The following LRP1B variants were observed in gnomAD, a reference collection of about 807,000 sequenced individuals.
The protein encoded by LRP1B is LDL receptor related protein 1B.
LRP1B carries 217 observed loss-of-function variants against 556.6 expected under a neutral mutation model. That is an observed-to-expected ratio of 0.39 (90% CI 0.35 to 0.44). The LOEUF (loss-of-function observed/expected upper bound fraction) is 0.44, where lower values mean the gene tolerates loss of function less well. LRP1B is among the 20% of genes least tolerant of loss of function. The probability of loss-of-function intolerance (pLI) is 1.00; values close to 1 mark genes in which losing one functional copy is unlikely to be tolerated. For synonymous variants in LRP1B, 2,047 were observed against 1,865.8 expected (o/e 1.10, Z -2.50); for missense variants, 5,053 against 5,620.8 (o/e 0.90, Z 3.23).
chr2:141,336,987 A>T lies in LRP1B; in HGVS notation c.344-82346T>A, dbSNP rs890874205. Among the ~76,000 whole-genome samples, 6 of 152,308 alleles carry T rather than the reference A, an allele frequency of 3.9e-5. No individual in the cohort carries two copies. In the South Asian group the frequency reaches 1.2e-3, roughly 32 times the overall value. ...TCCAGTTTATGTTAGTTATGAGTAC[A>T]GTTACTGTAAACATTCATGTACAGG... is the stretch of plus-strand genomic sequence containing the variant. On this transcript the variant is annotated intron_variant, in intron 3 of 90. Coordinates refer to ENST00000389484, the MANE Select transcript of LRP1B (RefSeq NM_018557.3).
chr2:141,837,800 T>C (rs1451655373), intron 1 of LRP1B, among the ~76,000 whole-genome samples: 1 of 152,138 alleles, frequency 6.6e-6, no homozygotes, highest in Non-Finnish European at 1.5e-5. Context: ...TTGTGTGTAG[T>C]ATAGACTATT....
At chr2:141,616,008 G>T (rs1405489359) in intron 2 of LRP1B, among the ~76,000 whole-genome samples, 1 of 152,138 alleles carries the variant, frequency 6.6e-6, no homozygotes, top group Admixed American at 6.5e-5. Context: ...TGCTGGCTGG[G>T]CATGGTGGCT....
chr2:140,609,662 T>C (rs1682998797), intron 41 of LRP1B, among the ~76,000 whole-genome samples: 1 of 152,180 alleles, frequency 6.6e-6, no homozygotes, highest in South Asian at 2.1e-4. Flanking sequence ...AATCTTCTCT[T>C]TTTCTTGCTT....
chr2:141,098,068 T>C (rs1375947300), intron 7 of LRP1B, among the ~76,000 whole-genome samples: 1 of 152,184 alleles, frequency 6.6e-6, no homozygotes, highest in African/African-American at 2.4e-5. Context: ...TAAAAAGTGC[T>C]TCACACTTCA....
At chr2:140,616,106 TA>T (rs71860526) in intron 41 of LRP1B, among the ~76,000 whole-genome samples, 59 of 149,480 alleles carry the variant, frequency 3.9e-4, no homozygotes, top group African/African-American at 1.1e-3. Flanking sequence ...ATAAAGTTAC[TA>T]AAAAAAAAAG....
intron 7 of LRP1B, among the ~76,000 whole-genome samples, chr2:141,186,760 T>A (rs978902614): frequency 1.3e-5 from 2 of 152,086 alleles, no homozygotes; most frequent in East Asian, 3.9e-4. Flanking sequence ...TATGGTTCTT[T>A]CATACAATGA....
chr2:142,117,587 A>G (rs1707317555), intron 1 of LRP1B, among the ~76,000 whole-genome samples: 2 of 151,894 alleles, frequency 1.3e-5, no homozygotes, highest in African/African-American at 4.8e-5. Flanking sequence ...GGTTCCCACA[A>G]TGGATTTTTA....
chr2:141,372,576 T>C (rs1253624473), intron 3 of LRP1B, among the ~76,000 whole-genome samples: 1 of 152,098 alleles, frequency 6.6e-6, no homozygotes, highest in African/African-American at 2.4e-5. Context: ...TACTCATTAT[T>C]GATCTGCTCA....
intron 3 of LRP1B, among the ~76,000 whole-genome samples, chr2:141,359,547 G>A (rs1207103163): frequency 1.3e-5 from 2 of 152,162 alleles, no homozygotes; most frequent in East Asian, 1.9e-4. Context: ...CACGAGGTCA[G>A]GAATTCAAGA....
At chr2:140,248,342 TAGATA>T (rs1331624310) in intron 86 of LRP1B, among the ~76,000 whole-genome samples, 1 of 151,690 alleles carries the variant, frequency 6.6e-6, no homozygotes, top group Non-Finnish European at 1.5e-5. Context: ...AGGACACTAT[TAGATA>T]AGAGTTATTT....
intron 2 of LRP1B, among the ~76,000 whole-genome samples, chr2:141,560,114 A>G (rs1489112091): frequency 6.6e-6 from 1 of 151,684 alleles, no homozygotes; most frequent in Non-Finnish European, 1.5e-5. Context: ...AGAAAAGAAA[A>G]TGGTTAAGAA....
chr2:141,402,002 C>G (rs1023262270), intron 3 of LRP1B, among the ~76,000 whole-genome samples: 6 of 152,104 alleles, frequency 3.9e-5, no homozygotes, highest in Admixed American at 1.3e-4. Flanking sequence ...TTTAGGGAAG[C>G]CATAGGAAAT....
intron 3 of LRP1B, among the ~76,000 whole-genome samples, chr2:141,299,464 T>C (rs1402688589): frequency 6.6e-6 from 1 of 152,222 alleles, no homozygotes. Flanking sequence ...TGGTACTTGA[T>C]ATTAAATGAT....
intron 1 of LRP1B, among the ~76,000 whole-genome samples, chr2:142,042,458 T>G (rs1704096488): frequency 6.6e-6 from 1 of 151,468 alleles, no homozygotes; most frequent in Non-Finnish European, 1.5e-5. Context: ...AGAAGTTTTA[T>G]CCTCTTAAAA....
chr2:140,989,749 A>G (rs1697033414), intron 16 of LRP1B, 92 bp from the exon 17 acceptor site: 1 of 1,216,292 alleles, frequency 8.2e-7, no homozygotes, highest in Non-Finnish European at 1.2e-6. Context: ...TACAGTAATA[A>G]TATTATAGTA....
chr2:142,060,532 T>G (rs1411585733), intron 1 of LRP1B, among the ~76,000 whole-genome samples: 2 of 152,016 alleles, frequency 1.3e-5, no homozygotes, highest in African/African-American at 4.8e-5. Flanking sequence ...CTGGTATAGG[T>G]TGGATTTATT....
At chr2:140,741,870 C>T (rs1688152788) in intron 35 of LRP1B, among the ~76,000 whole-genome samples, 1 of 152,090 alleles carries the variant, frequency 6.6e-6, no homozygotes, top group Non-Finnish European at 1.5e-5. Flanking sequence ...ATTTGGTTTT[C>T]TGTTTCTGCA....
intron 66 of LRP1B, among the ~76,000 whole-genome samples, chr2:140,393,652 C>T (rs1684124504): frequency 1.3e-5 from 2 of 151,104 alleles, no homozygotes; most frequent in South Asian, 4.2e-4. Flanking sequence ...ATGTTGGTTA[C>T]CAATAAATAA....
intron 41 of LRP1B, among the ~76,000 whole-genome samples, chr2:140,628,316 G>A (rs544980968): frequency 2.6e-5 from 4 of 152,050 alleles, no homozygotes; most frequent in Non-Finnish European, 5.9e-5. Context: ...GGATCACGAG[G>A]TCAGGAGATC....
Sources: gnomAD v4.1 joint callset for allele counts (sites outside exome capture counted in the v4.1 genomes callset) on GRCh38, gnomAD v4.1.1 for gene constraint, MANE v1.5 for transcripts, NCBI Gene and HGNC (gene_info 2026-07-23, HGNC 2026-07-21) for gene names.